LDHB: variants seen among roughly 807,000 people sequenced by gnomAD.
The protein encoded by LDHB is lactate dehydrogenase B.
A neutral mutation model predicts 33.4 loss-of-function variants in LDHB; 18 were observed. The observed-to-expected ratio is 0.54, with a 90% CI of 0.37 to 0.80. The LOEUF (loss-of-function observed/expected upper bound fraction) is 0.80, where lower values mean the gene tolerates loss of function less well. LDHB is among the 30% of genes least tolerant of loss of function. The probability of loss-of-function intolerance (pLI) is 0.00; values close to 1 mark genes in which losing one functional copy is unlikely to be tolerated. For synonymous variants in LDHB, 121 were observed against 140.6 expected, an observed-to-expected ratio of 0.86 and a Z score of 0.98; for missense variants, 345 against 407.9, an observed-to-expected ratio of 0.85 and a Z score of 1.33.
At chr12:21,650,107 C>A (rs28449925) in intron 2 of LDHB, among the ~76,000 whole-genome samples, 11 of 115,212 alleles carry the variant, frequency 9.5e-5, no homozygotes, top group African/African-American at 2.1e-4. Flanking sequence ...AAAAAAAATA[C>A]ACACACACAC....
chr12:21,639,351 C>T (rs921126028), intron 5 of LDHB, among the ~76,000 whole-genome samples: 6 of 151,830 alleles, frequency 4.0e-5, no homozygotes, highest in Admixed American at 1.3e-4. Context: ...GAACATTGGA[C>T]GGGAATCAGA....
Position 21,644,095 on chromosome 12 carries a change from A to G in LDHB, c.261T>C (p.Thr87=), listed in dbSNP as rs1650294. Residue 87 remains threonine, a synonymous_variant, in exon 4 of 8, where the codon ACT becomes ACC. Coordinates refer to ENST00000350669, the MANE Select transcript of LDHB (RefSeq NM_002300.8). The part of the protein sequence containing the change: ...KIVADKDYSV[T]ANSKIVVVTA... ...TTACCACTACAATCTTAGAATTGGCAGTCACAGAATAATCTTTAAAAAGAA... is the reference window on the plus strand; with the variant it reads ...TTACCACTACAATCTTAGAATTGGCGGTCACAGAATAATCTTTAAAAAGAA... The G allele has an allele frequency of 0.99, 1,598,370 of 1,612,418 alleles. 792,812 individuals are homozygous for G. Among genetic ancestry groups the G allele is most frequent in the East Asian group, 1 (44,846 of 44,850 alleles).
At chr12:21,654,198 T>C (rs1351639741) in intron 2 of LDHB, among the ~76,000 whole-genome samples, 1 of 152,206 alleles carries the variant, frequency 6.6e-6, no homozygotes, top group Non-Finnish European at 1.5e-5. Flanking sequence ...GAGACGTAAG[T>C]ATATGAGACA....
At chr12:21,645,563 C>G (rs1400112916) in intron 3 of LDHB, among the ~76,000 whole-genome samples, 1 of 152,218 alleles carries the variant, frequency 6.6e-6, no homozygotes, top group Admixed American at 6.5e-5. Flanking sequence ...GTGGGACATG[C>G]TGGCAGCAAT....
At chr12:21,654,958 T>TA (rs988413403) in intron 1 of LDHB, among the ~76,000 whole-genome samples, 36 of 151,330 alleles carry the variant, frequency 2.4e-4, no homozygotes, top group African/African-American at 4.8e-5. Flanking sequence ...CCGTCTCTAC[T>TA]AAAAAAAAGA....
In LDHB at chr12:21,646,920, G is replaced by A. The variant is rs1430298887; in HGVS notation, c.226C>T (p.Pro76Ser). 6.2e-7 allele frequency: 1 copy of A among 1,608,566 alleles called. No homozygotes were observed. The highest frequency in any genetic ancestry group is 8.5e-7 in the Non-Finnish European group (1 of 1,175,314). The change falls in exon 3 of 8, where the codon CCT (proline) becomes TCT (serine). Residue 76 changes from proline (P) to serine (S), a missense_variant. Transcript: ENST00000350669. ...LQHGSLFLQTPKIVADKDYSV... is the reference protein window; with the variant it reads ...LQHGSLFLQTSKIVADKDYSV... Reference sequence around the variant, plus strand: ...TTACCTTTATCTGCCACAATTTTAGGTGTCTGAAGAAATAAGCTCCCATGC... The same window carrying A: ...TTACCTTTATCTGCCACAATTTTAGATGTCTGAAGAAATAAGCTCCCATGC...
At chr12:21,648,350 C>T (rs1223048589) in intron 2 of LDHB, among the ~76,000 whole-genome samples, 2 of 152,064 alleles carry the variant, frequency 1.3e-5, no homozygotes, top group East Asian at 1.9e-4. Flanking sequence ...ACAGAAAGGA[C>T]AGTATTCACC....
chr12:21,648,549 C>CAGGT (rs1224019601), intron 2 of LDHB, among the ~76,000 whole-genome samples: 2 of 151,654 alleles, frequency 1.3e-5, no homozygotes, highest in Admixed American at 6.6e-5. Flanking sequence ...GGGGAGGGGC[C>CAGGT]AGGTAGGTAG....
intron 5 of LDHB, among the ~76,000 whole-genome samples, chr12:21,639,025 GT>G (rs2136962463): frequency 6.6e-6 from 1 of 151,960 alleles, no homozygotes; most frequent in South Asian, 2.1e-4. Flanking sequence ...TAAGTTATAT[GT>G]TTCTTGGAGA....
At chr12:21,651,987 G>T (rs1677081) in intron 2 of LDHB, among the ~76,000 whole-genome samples, 148,114 of 152,316 alleles carry the variant, frequency 0.97, 72,160 homozygotes, top group Middle Eastern at 1. Context: ...AATCTGAAGA[G>T]TCCAACTGTG....
intron 6 of LDHB, 27 bp from the exon 7 acceptor site, chr12:21,637,221 T>C: frequency 6.4e-7 from 1 of 1,550,788 alleles, no homozygotes; most frequent in Non-Finnish European, 8.9e-7. Context: ...AAGACATCAC[T>C]GAAATAAGAC....
chr12:21,637,047 A>T, intron 7 of LDHB, 24 bp downstream of exon 7: 1 of 1,567,110 alleles, frequency 6.4e-7, no homozygotes, highest in Non-Finnish European at 8.8e-7. Context: ...AAATCATATT[A>T]CATTTTGTGG....
chr12:21,636,048 C>T (rs1379366093), intron 7 of LDHB, among the ~76,000 whole-genome samples: 1 of 152,098 alleles, frequency 6.6e-6, no homozygotes, highest in Non-Finnish European at 1.5e-5. Context: ...AATATGCAAA[C>T]ATACACTATG....
chr12:21,647,334 G>A (rs1336634802), intron 2 of LDHB, among the ~76,000 whole-genome samples: 1 of 152,210 alleles, frequency 6.6e-6, no homozygotes, highest in Non-Finnish European at 1.5e-5. Context: ...CTTGGGCAAT[G>A]TGTCCATCCT....
At chr12:21,651,451 C>A (rs1339503634) in intron 2 of LDHB, among the ~76,000 whole-genome samples, 1 of 152,130 alleles carries the variant, frequency 6.6e-6, no homozygotes, top group South Asian at 2.1e-4. Context: ...TACAAAGGGG[C>A]CTTAGTGGGC....
chr12:21,652,869 T>C (rs1938734600), intron 2 of LDHB, among the ~76,000 whole-genome samples: 1 of 148,780 alleles, frequency 6.7e-6, no homozygotes, highest in Admixed American at 6.6e-5. Flanking sequence ...CTACGTTTTT[T>C]AGTTTATTTT....
chr12:21,652,700 T>G (rs1938727338), intron 2 of LDHB, among the ~76,000 whole-genome samples: 1 of 148,428 alleles, frequency 6.7e-6, no homozygotes, highest in Non-Finnish European at 1.5e-5. Flanking sequence ...TGCAAAAGGA[T>G]AGGGAGCTGC....
At chr12:21,645,295 C>G (rs1039969220) in intron 3 of LDHB, among the ~76,000 whole-genome samples, 2 of 152,156 alleles carry the variant, frequency 1.3e-5, no homozygotes, top group Non-Finnish European at 2.9e-5. Context: ...TTTCTCCCCA[C>G]GTGATAGTCT....
intron 2 of LDHB, 101 bp downstream of exon 2, chr12:21,654,442 A>G: frequency 8.4e-7 from 1 of 1,193,534 alleles, no homozygotes; most frequent in Non-Finnish European, 1.2e-6. Flanking sequence ...GCTCAGGAAA[A>G]AAAGAAATCT....
Sources: gnomAD v4.1 joint callset for allele counts (sites outside exome capture counted in the v4.1 genomes callset) on GRCh38, gnomAD v4.1.1 for gene constraint, MANE v1.5 for transcripts, NCBI Gene and HGNC (gene_info 2026-07-23, HGNC 2026-07-21) for gene names.